The following CACNA2D3 variants were observed in gnomAD, a reference collection of about 807,000 sequenced individuals.
CACNA2D3 encodes voltage-dependent calcium channel subunit alpha-2/delta-3.
A neutral mutation model predicts 160.6 loss-of-function variants in CACNA2D3; 60 were observed. That is an observed-to-expected ratio of 0.37 (90% CI 0.30 to 0.46). The LOEUF is 0.46. CACNA2D3 is among the 20% of genes least tolerant of loss of function. The pLI is 1.00. For missense variants in CACNA2D3, 1,205 were observed against 1,365.0 expected (o/e 0.88, Z 1.85); for synonymous variants, 558 against 492.9 (o/e 1.13, Z -1.75).
intron 11 of CACNA2D3, among the ~76,000 whole-genome samples, chr3:54,712,369 C>G (rs2106966116): frequency 6.6e-6 from 1 of 152,178 alleles, no homozygotes. Flanking sequence ...GTGTCCCCAC[C>G]CATCTTGAAT....
rs1257595161 is a variant in CACNA2D3 at position 54,626,350 on chromosome 3, C to G, written c.964-1437C>G. 2.6e-6 allele frequency: 4 copies of G among 1,557,002 alleles called. No individual in the cohort carries two copies. In the Admixed American group the frequency reaches 7.8e-5, roughly 30 times the overall value. On this transcript the variant is annotated intron_variant, in intron 9 of 37. Transcript: ENST00000474759. ...TGCGCGCCAGCAGCGGCGGCTGAAC[C>G]GGGGCCTGCGGCGGAAGCAGCACTC...
At chr3:54,316,848 A>G (rs764656060) in intron 2 of CACNA2D3, among the ~76,000 whole-genome samples, 1 of 152,226 alleles carries the variant, frequency 6.6e-6, no homozygotes, top group Non-Finnish European at 1.5e-5. Flanking sequence ...TGGGAGAGAA[A>G]CACATACAGG....
In CACNA2D3 at chr3:54,165,114, A is replaced by ATTTTTTT. The variant is rs397961895; in HGVS notation, c.204+41534_204+41540dup. On this transcript the variant is annotated intron_variant, in intron 2 of 37. Coordinates refer to ENST00000474759, the MANE Select transcript of CACNA2D3 (RefSeq NM_018398.3). Reference sequence around the variant, plus strand: ...AGAATGCTTGACTTCTCTGAATCTCATTTTTTTTTTTTTTTTTTTTGTCAA... The same window carrying ATTTTTTT: ...AGAATGCTTGACTTCTCTGAATCTCATTTTTTTTTTTTTTTTTTTTTTTTTTTGTCAA... Among the ~76,000 whole-genome samples the ATTTTTTT allele has an allele frequency of 1.1e-3, 129 of 117,856 alleles. 4 individuals are homozygous for ATTTTTTT. The East Asian group carries it at 0.028, about 26-fold the overall frequency. The allele number at this position is 117,856 out of a possible 152,430, so 77.3% of individuals were successfully genotyped here.
chr3:54,638,448 T>C (rs1319066683), intron 10 of CACNA2D3: 1 of 151,472 alleles, frequency 6.6e-6, no homozygotes, highest in East Asian at 1.9e-4. Flanking sequence ...GGAGCAGGTG[T>C]GAGGAGGGGA....
intron 4 of CACNA2D3, among the ~76,000 whole-genome samples, chr3:54,466,168 A>G (rs1416329864): frequency 2.0e-5 from 3 of 152,190 alleles, no homozygotes; most frequent in Non-Finnish European, 4.4e-5. Flanking sequence ...CTTTAATTTC[A>G]TCTGCAAAAT....
intron 27 of CACNA2D3, chr3:54,925,129 T>C: frequency 6.2e-7 from 1 of 1,614,050 alleles, no homozygotes; most frequent in East Asian, 2.2e-5. Context: ...TCTACAAAAT[T>C]TGTAGATGAC....
At chr3:54,663,671 G>A (rs1281286240) in intron 11 of CACNA2D3, among the ~76,000 whole-genome samples, 1 of 152,200 alleles carries the variant, frequency 6.6e-6, no homozygotes, top group Non-Finnish European at 1.5e-5. Context: ...TCCCCAAAAT[G>A]TGGTCACTGC....
At chr3:54,124,906 G>A (rs113905475) in intron 2 of CACNA2D3, among the ~76,000 whole-genome samples, 2,424 of 152,086 alleles carry the variant, frequency 0.016, 76 homozygotes, top group African/African-American at 0.056. Context: ...GGCCCACCTC[G>A]GCACTTAAAG....
At chr3:54,547,523 G>C (rs767105574) in intron 5 of CACNA2D3, among the ~76,000 whole-genome samples, 4 of 152,000 alleles carry the variant, frequency 2.6e-5, no homozygotes, top group Non-Finnish European at 5.9e-5. Flanking sequence ...ACACTCTCCC[G>C]TGGGTAGAGA....
At chr3:54,228,652 C>T (rs1701716081) in intron 2 of CACNA2D3, among the ~76,000 whole-genome samples, 1 of 152,210 alleles carries the variant, frequency 6.6e-6, no homozygotes, top group African/African-American at 2.4e-5. Flanking sequence ...ATTTTATCTG[C>T]AACTTTATTC....
At chr3:55,009,738 A>C (rs1047886812) in intron 34 of CACNA2D3, among the ~76,000 whole-genome samples, 1 of 152,230 alleles carries the variant, frequency 6.6e-6, no homozygotes, top group Non-Finnish European at 1.5e-5. Flanking sequence ...CTCATGGGCA[A>C]TGCTGAAATA....
intron 2 of CACNA2D3, among the ~76,000 whole-genome samples, chr3:54,174,249 G>T (rs1347920336): frequency 1.3e-5 from 2 of 152,170 alleles, no homozygotes; most frequent in East Asian, 3.9e-4. Flanking sequence ...GCTAAGTGCT[G>T]CCCAATTGTT....
intron 3 of CACNA2D3, among the ~76,000 whole-genome samples, chr3:54,322,513 G>A (rs983253213): frequency 2.0e-5 from 3 of 152,218 alleles, no homozygotes; most frequent in Non-Finnish European, 4.4e-5. Context: ...GCAGGGTGAA[G>A]GCATTTGCCC....
intron 17 of CACNA2D3, among the ~76,000 whole-genome samples, chr3:54,852,663 A>T (rs1170673172): frequency 6.6e-6 from 1 of 152,140 alleles, no homozygotes; most frequent in Non-Finnish European, 1.5e-5. Flanking sequence ...GTTAGTGGTT[A>T]TAGATGGGTC....
At chr3:54,454,850 G>C (rs529790812) in intron 4 of CACNA2D3, among the ~76,000 whole-genome samples, 4 of 152,072 alleles carry the variant, frequency 2.6e-5, no homozygotes, top group South Asian at 2.1e-4. Flanking sequence ...CACAGCATTT[G>C]TCTTTCTGTG....
chr3:54,503,272 A>G (rs1481251441), intron 4 of CACNA2D3, among the ~76,000 whole-genome samples: 1 of 152,202 alleles, frequency 6.6e-6, no homozygotes, highest in Non-Finnish European at 1.5e-5. Context: ...CTTAACATTT[A>G]TGTTTTCTGG....
chr3:54,935,704 A>T (rs1278959408), intron 27 of CACNA2D3, among the ~76,000 whole-genome samples: 2 of 152,204 alleles, frequency 1.3e-5, no homozygotes, highest in African/African-American at 2.4e-5. Context: ...ATAACGTGAT[A>T]GTTCAGTTTC....
At chr3:55,037,200 A>G (rs887234188) in intron 35 of CACNA2D3, among the ~76,000 whole-genome samples, 42 of 152,360 alleles carry the variant, frequency 2.8e-4, no homozygotes, top group African/African-American at 8.7e-4. Flanking sequence ...AGTTATACCA[A>G]AAGTTTCATT....
intron 2 of CACNA2D3, among the ~76,000 whole-genome samples, chr3:54,222,320 C>T (rs1447940616): frequency 6.6e-6 from 1 of 152,080 alleles, no homozygotes; most frequent in Non-Finnish European, 1.5e-5. Context: ...AGGCTTGAGA[C>T]CCAGGAAGAG....
Sources: allele counts gnomAD v4.1 joint callset (sites outside exome capture counted in the v4.1 genomes callset), GRCh38; gene constraint gnomAD v4.1.1; transcripts MANE v1.5; gene names NCBI Gene and HGNC (gene_info 2026-07-23, HGNC 2026-07-21).